TEK: variants seen among roughly 807,000 people sequenced by gnomAD.
The protein encoded by TEK is TEK receptor tyrosine kinase.
Under a neutral mutation model 131.8 loss-of-function variants are expected in TEK, and 43 were observed. The observed-to-expected ratio is 0.33, with a 90% CI of 0.26 to 0.42. The LOEUF is 0.42. TEK is among the 10% of genes least tolerant of loss of function. The pLI, the probability that TEK is intolerant of heterozygous loss-of-function variation, is 1.00. For synonymous variants in TEK, 580 were observed against 491.6 expected (o/e 1.18, Z -2.38); for missense variants, 1,162 against 1,384.4 (o/e 0.84, Z 2.55).
At chr9:27,117,449 T>C (rs1821614726) in intron 1 of TEK, among the ~76,000 whole-genome samples, 1 of 152,072 alleles carries the variant, frequency 6.6e-6, no homozygotes. Context: ...GCAGAATGAG[T>C]TTTAGATCTA....
chr9:27,113,352 A>C (rs1564031269), intron 1 of TEK, among the ~76,000 whole-genome samples: 1 of 152,162 alleles, frequency 6.6e-6, no homozygotes, highest in Non-Finnish European at 1.5e-5. Flanking sequence ...GCACTTTGGG[A>C]GGCCCAGGCA....
rs187679352 is a variant in TEK, at chr9:27,193,271, A to T, written c.1624+648A>T. On this transcript the variant is annotated intron_variant, in intron 11 of 22. Coordinates refer to ENST00000380036, the MANE Select transcript of TEK (RefSeq NM_000459.5). ...TGGTTCTCAAACCTAAGTGTCCATCAGAATCACTCAGAGAGTTTGTTAAAA... is the reference window on the plus strand; with the variant it reads ...TGGTTCTCAAACCTAAGTGTCCATCTGAATCACTCAGAGAGTTTGTTAAAA... Among the ~76,000 whole-genome samples the T allele has an allele frequency of 7.2e-5, 11 of 152,312 alleles. No individual in the cohort carries two copies. In the East Asian group the frequency reaches 2.1e-3, roughly 29 times the overall value.
chr9:27,202,219 T>A (rs1825239546), intron 12 of TEK, among the ~76,000 whole-genome samples: 1 of 152,164 alleles, frequency 6.6e-6, no homozygotes, highest in Non-Finnish European at 1.5e-5. Context: ...CTATAATACT[T>A]TGTCTACTAA....
At position 27,158,139 on chromosome 9, in the gene TEK, C is replaced by G. The variant is rs940125132; in HGVS notation, c.361C>G (p.Gln121Glu). 1 of 1,614,122 alleles carries G rather than the reference C, an allele frequency of 6.2e-7. No individual in the cohort carries two copies. The stretch of plus-strand genomic sequence containing the variant: ...GATACGAACCATGAAGATGCGTCAA[C>G]AAGGTAACATGCCCCTAAGTTTTGG... ...IRIRTMKMRQ[Q>E]ASFLPATLTM... The change falls in exon 2 of 23, where the codon CAA (glutamine) becomes GAA (glutamate). Residue 121 changes from glutamine to glutamate, a missense_variant. Gln to Glu is a conservative substitution (Grantham distance 29). This residue lies in a region of TEK where 436 missense variants were observed against 539.1 expected (regional missense o/e 0.81). Coordinates refer to ENST00000380036, the MANE Select transcript of TEK (RefSeq NM_000459.5).
intron 1 of TEK, among the ~76,000 whole-genome samples, chr9:27,146,942 G>T (rs1034937616): frequency 6.6e-6 from 1 of 152,028 alleles, no homozygotes; most frequent in East Asian, 1.9e-4. Flanking sequence ...TGTTAGCCAG[G>T]ATGGTCTTGA....
intron 1 of TEK, among the ~76,000 whole-genome samples, chr9:27,134,784 G>T (rs960326240): frequency 2.0e-5 from 3 of 152,090 alleles, no homozygotes; most frequent in African/African-American, 7.2e-5. Context: ...TCCATTTAAA[G>T]ATCTAATAAA....
chr9:27,127,540 C>T (rs1822035902), intron 1 of TEK, among the ~76,000 whole-genome samples: 1 of 152,170 alleles, frequency 6.6e-6, no homozygotes, highest in African/African-American at 2.4e-5. Flanking sequence ...GTTCTAGATC[C>T]TTGAGGAATT....
chr9:27,219,986 C>G (rs1825996992), intron 20 of TEK, 63 bp from the exon 21 acceptor site: 1 of 1,551,606 alleles, frequency 6.4e-7, no homozygotes, highest in Admixed American at 1.7e-5. Context: ...TTTAGAAACC[C>G]TGGACAGGAA....
chr9:27,186,914 C>T (rs1236516542), intron 9 of TEK, among the ~76,000 whole-genome samples: 1 of 152,190 alleles, frequency 6.6e-6, no homozygotes, highest in Non-Finnish European at 1.5e-5. Flanking sequence ...ATATGAACCA[C>T]CTCAGAATCC....
chr9:27,157,774 C>T, intron 1 of TEK, 57 bp from the exon 2 acceptor site: 1 of 1,581,242 alleles, frequency 6.3e-7, no homozygotes, highest in Non-Finnish European at 8.7e-7. Context: ...ACCAGTTTAC[C>T]CAATGGGGTC....
chr9:27,174,982 TTTATTATTA>T (rs369673345), intron 6 of TEK, among the ~76,000 whole-genome samples: 4 of 150,418 alleles, frequency 2.7e-5, no homozygotes, highest in African/African-American at 7.3e-5. Context: ...TTTAATTCTT[TTTATTATTA>T]TTATTATTAT....
chr9:27,214,457 T>C (rs969022875), intron 18 of TEK, among the ~76,000 whole-genome samples: 4 of 152,230 alleles, frequency 2.6e-5, no homozygotes, highest in African/African-American at 2.4e-5. Flanking sequence ...TCATAAGATA[T>C]AGACAATCTT....
chr9:27,133,607 T>C (rs1282332205), intron 1 of TEK, among the ~76,000 whole-genome samples: 1 of 152,182 alleles, frequency 6.6e-6, no homozygotes, highest in Non-Finnish European at 1.5e-5. Flanking sequence ...GCATGCCTCA[T>C]CTTTCCGTAA....
rs150568230 is a variant in TEK at position 27,173,958 on chromosome 9, T to C, written c.901+596T>C. Among the ~76,000 whole-genome samples, 513 of 151,922 alleles carry C rather than the reference T, an allele frequency of 3.4e-3. 2 individuals are homozygous for C. The highest frequency in any genetic ancestry group is 0.012 in the African/African-American group (486 of 41,408). The stretch of plus-strand genomic sequence containing the variant: ...AAAAAAAAATCAAAATCAGAGCTTT[T>C]ATGTCAGATCCAGACAGGATTTGGG... On this transcript the variant is annotated intron_variant, in intron 6 of 22. Transcript: ENST00000380036.
chr9:27,139,026 G>A (rs563622154), intron 1 of TEK, among the ~76,000 whole-genome samples: 26 of 151,866 alleles, frequency 1.7e-4, no homozygotes, highest in African/African-American at 6.3e-4. Context: ...TGGCTAACCT[G>A]GTGAAATCCA....
At chr9:27,143,139 T>G (rs12684833) in intron 1 of TEK, among the ~76,000 whole-genome samples, 1 of 152,028 alleles carries the variant, frequency 6.6e-6, no homozygotes, top group South Asian at 2.1e-4. Flanking sequence ...GGAAGCATGG[T>G]GTTATCTGTG....
intron 12 of TEK, among the ~76,000 whole-genome samples, chr9:27,198,962 T>A (rs984529803): frequency 2.2e-4 from 34 of 152,070 alleles, no homozygotes; most frequent in African/African-American, 8.0e-4. Context: ...CACACCTGAC[T>A]TTTTTTAAAA....
chr9:27,211,125 A>G (rs1825598777), intron 16 of TEK, among the ~76,000 whole-genome samples: 1 of 144,034 alleles, frequency 6.9e-6, no homozygotes, highest in Admixed American at 7.0e-5. Context: ...CAGTTTAAAA[A>G]AAAATATATA....
chr9:27,157,021 T>C (rs1046011900), intron 1 of TEK, among the ~76,000 whole-genome samples: 2 of 152,004 alleles, frequency 1.3e-5, no homozygotes, highest in East Asian at 1.9e-4. Context: ...GAAAGAGAAA[T>C]AGTGAGAAAA....
Sources: gnomAD v4.1 joint callset for allele counts (sites outside exome capture counted in the v4.1 genomes callset) on GRCh38, gnomAD v4.1.1 for gene constraint, gnomAD v4.1.1 regional missense constraint, MANE v1.5 for transcripts, NCBI Gene and HGNC (gene_info 2026-07-23, HGNC 2026-07-21) for gene names.